KLHDC3: variants seen among roughly 807,000 people sequenced by gnomAD.
KLHDC3 encodes the protein kelch domain-containing protein 3.
KLHDC3 carries 5 observed loss-of-function variants against 44.1 expected under a neutral mutation model. That is an observed-to-expected ratio of 0.11 (90% CI 0.06 to 0.24). The LOEUF is 0.24. KLHDC3 is among the 10% of genes least tolerant of loss of function. The probability of loss-of-function intolerance (pLI) is 1.00; values close to 1 mark genes in which losing one functional copy is unlikely to be tolerated. For synonymous variants in KLHDC3, 170 were observed against 189.0 expected (o/e 0.90, Z 0.82); for missense variants, 247 against 514.3 (o/e 0.48, Z 5.03).
At chr6:43,019,235 T>A (rs764884063) in intron 9 of KLHDC3, 53 bp from the exon 10 acceptor site, 89 of 1,556,536 alleles carry the variant, frequency 5.7e-5, no homozygotes, top group Non-Finnish European at 7.4e-5. Flanking sequence ...TATCCAGGAC[T>A]GGATCCTTTC....
At chr6:43,020,531 TTAAG>T (rs1390754390) in intron 10 of KLHDC3, 132 bp from the exon 11 acceptor site, 9 of 675,596 alleles carry the variant, frequency 1.3e-5, no homozygotes, top group Non-Finnish European at 2.4e-5. Context: ...AGTAGGTCTC[TTAAG>T]TAAGAGGTGG....
In KLHDC3 at chr6:43,017,036, A is replaced by G. The variant is rs990607459; in HGVS notation, c.-59-98A>G. 6.0e-6 allele frequency: 5 copies of G among 832,652 alleles called. No homozygotes were observed. Among genetic ancestry groups the G allele is most frequent in the Non-Finnish European group, 9.5e-6 (5 of 524,402 alleles). 51.6% of individuals were successfully genotyped at this position (832,652 alleles called of 1,614,324 possible). ...GGAGGGGTAGTGTGGGAGGGCCCCC[A>G]GGGTGACACTTGGAGGCAAAGGCTG... On this transcript the variant is annotated intron_variant, in intron 1 of 10. Coordinates refer to ENST00000326974, the MANE Select transcript of KLHDC3 (RefSeq NM_057161.4). The surrounding 1 kb of genome is among the most constrained non-coding windows in gnomAD (Gnocchi z 6.0).
rs1170057121 is a variant in KLHDC3 at position 43,018,592 on chromosome 6, C to T, written c.733+36C>T. ...GTTACTTCCCTGTGGAGTTCCCTTC[C>T]TGCCCTCTTCACACTCCTGACACTT... On this transcript the variant is annotated intron_variant, in intron 6 of 10. Coordinates refer to ENST00000326974, the MANE Select transcript of KLHDC3 (RefSeq NM_057161.4). The surrounding 1 kb of genome is among the most constrained non-coding windows in gnomAD (Gnocchi z 6.0). The T allele has an allele frequency of 6.2e-7, 1 of 1,612,056 alleles. No individual in the cohort carries two copies. The highest frequency in any genetic ancestry group is 8.5e-7 in the Non-Finnish European group (1 of 1,178,268).
In KLHDC3 at chr6:43,018,303, T is replaced by C. The variant is rs570075019; in HGVS notation, c.520-40T>C. On this transcript the variant is annotated intron_variant, in intron 5 of 10. Coordinates refer to ENST00000326974, the MANE Select transcript of KLHDC3 (RefSeq NM_057161.4). The surrounding 1 kb of genome is among the most constrained non-coding windows in gnomAD (Gnocchi z 6.0). ...AGTCAGAGGAGATCCTCTTCCAGTCTTTGTGCTGACCCCTCCACCATCTCT... is the reference window on the plus strand; with the variant it reads ...AGTCAGAGGAGATCCTCTTCCAGTCCTTGTGCTGACCCCTCCACCATCTCT... The C allele has an allele frequency of 1.7e-5, 27 of 1,596,984 alleles. No homozygotes were observed. The highest frequency in any genetic ancestry group is 2.1e-5 in the Non-Finnish European group (24 of 1,165,302).
At position 43,014,288 on chromosome 6, in the gene KLHDC3, A is replaced by G. The variant is rs1310194775; in HGVS notation, c.-120A>G. 5.4e-6 allele frequency: 4 copies of G among 744,742 alleles called. No individual in the cohort carries two copies. In the African/African-American group the frequency reaches 7.1e-5, roughly 13 times the overall value. The allele number at this position is 744,742 out of a possible 1,614,324, so 46.1% of individuals were successfully genotyped here. A position where few individuals can be genotyped will look rare whatever the true frequency, so the allele number is the denominator to read the frequency against. ...GGACTAAGGCGTCGGTTGGCGCGCA[A>G]CGGGTTCTAGGCTGCAGGCAGCTCG... On this transcript the variant is annotated 5_prime_UTR_variant, in exon 1 of 11. Transcript: ENST00000326974.
rs1762502489 is a variant in KLHDC3 at position 43,014,337 on chromosome 6, T to G, written c.-71T>G. ...CGAGGACCCGCGGCCCCGCCCCGGC[T>G]CGGCCTGGCAGGTAGCCTGGGATGG... On this transcript the variant is annotated 5_prime_UTR_variant, in exon 1 of 11. Transcript: ENST00000326974. 3.3e-6 allele frequency: 2 copies of G among 611,008 alleles called. No individual in the cohort carries two copies. The highest frequency in any genetic ancestry group is 5.8e-6 in the Non-Finnish European group (2 of 342,502). The allele number at this position is 611,008 out of a possible 1,614,324, so 37.8% of individuals were successfully genotyped here.
rs1033957694 is a variant in KLHDC3 at position 43,014,296 on chromosome 6, T to C, written c.-112T>C. 2 of 711,790 alleles carry C rather than the reference T, an allele frequency of 2.8e-6. No individual in the cohort carries two copies. Among genetic ancestry groups the C allele is most frequent in the Non-Finnish European group, 4.6e-6 (2 of 438,574 alleles). The allele number at this position is 711,790 out of a possible 1,614,324, so 44.1% of individuals were successfully genotyped here. A position where few individuals can be genotyped will look rare whatever the true frequency, so the allele number is the denominator to read the frequency against. ...GCGTCGGTTGGCGCGCAACGGGTTCTAGGCTGCAGGCAGCTCGAGGACCCG... is the reference window on the plus strand; with the variant it reads ...GCGTCGGTTGGCGCGCAACGGGTTCCAGGCTGCAGGCAGCTCGAGGACCCG... On this transcript the variant is annotated 5_prime_UTR_variant, in exon 1 of 11. Coordinates refer to ENST00000326974, the MANE Select transcript of KLHDC3 (RefSeq NM_057161.4).
Position 43,018,963 on chromosome 6 carries a change from G to A in KLHDC3, c.921G>A (p.Gly307=), listed in dbSNP as rs1209195286. Residue 307 remains glycine, a synonymous_variant, in exon 8 of 11, where the codon GGG becomes GGA. Coordinates refer to ENST00000326974, the MANE Select transcript of KLHDC3 (RefSeq NM_057161.4). The surrounding 1 kb of genome is among the most constrained non-coding windows in gnomAD (Gnocchi z 6.0). ...TTGGTGACAAGATTGTCCTCTTTGGGGGTACCAGGTTAGAAGGAGAGAGGG... is the reference window on the plus strand; with the variant it reads ...TTGGTGACAAGATTGTCCTCTTTGGAGGTACCAGGTTAGAAGGAGAGAGGG... ...CIVGDKIVLF[G]GTSPSPEEGL... is the part of the protein sequence containing the mutation. 1 of 1,609,942 alleles carries A rather than the reference G, an allele frequency of 6.2e-7. No individual in the cohort carries two copies. The highest frequency in any genetic ancestry group is 8.5e-7 in the Non-Finnish European group (1 of 1,177,262).
rs1251967308 is a variant in KLHDC3, at chr6:43,021,060, C to T, written c.*327C>T. ...GGAATGGGGAGAAGGGAGAAGCAAG[C>T]AGTGTCTGAGCCTCAGGAGCTTCCC... On this transcript the variant is annotated 3_prime_UTR_variant, in exon 11 of 11. Transcript: ENST00000326974. 3.9e-6 allele frequency: 2 copies of T among 516,574 alleles called. No homozygotes were observed. The highest frequency in any genetic ancestry group is 7.5e-6 in the Non-Finnish European group (2 of 266,446). 32.0% of individuals were successfully genotyped at this position (516,574 alleles called of 1,614,324 possible). A position where few individuals can be genotyped will look rare whatever the true frequency, so the allele number is the denominator to read the frequency against.
chr6:43,018,652 G>A lies in KLHDC3; in HGVS notation c.753G>A (p.Leu251=). 3 of 1,614,086 alleles carry A rather than the reference G, an allele frequency of 1.9e-6. No homozygotes were observed. The highest frequency in any genetic ancestry group is 2.5e-6 in the Non-Finnish European group (3 of 1,179,986). The change falls in exon 7 of 11, where the codon CTG becomes CTA. Residue 251 remains leucine (L), a synonymous_variant. Transcript: ENST00000326974. The surrounding 1 kb of genome is among the most constrained non-coding windows in gnomAD (Gnocchi z 6.0). ...TTCCAGTTGGCTACAATGGGGAGCTGTACATCTTTGGTGGTTATAATGCAA... is the reference window on the plus strand; with the variant it reads ...TTCCAGTTGGCTACAATGGGGAGCTATACATCTTTGGTGGTTATAATGCAA... ...SHSAFGYNGE[L]YIFGGYNARL...
chr6:43,019,421 G>A, intron 10 of KLHDC3, 55 bp downstream of exon 10: 1 of 1,229,642 alleles, frequency 8.1e-7, no homozygotes, highest in East Asian at 2.3e-5. Flanking sequence ...AGCAGCACAG[G>A]TGTGACCTGA....
chr6:43,018,512 C>T lies in KLHDC3; in HGVS notation c.689C>T (p.Pro230Leu), dbSNP rs1205411620. 1.9e-6 allele frequency: 3 copies of T among 1,614,098 alleles called. No individual in the cohort carries two copies. Among genetic ancestry groups the T allele is most frequent in the Admixed American group, 3.3e-5 (2 of 60,014 alleles). ...AGAACTGAGGCTTGGCTGGACTGTC[C>T]CCCGACTCCAGTGCTGCCTGAGGGG... ...DTRTEAWLDC[P>L]PTPVLPEGRR... The change falls in exon 6 of 11, where the codon CCC becomes CTC. Residue 230 changes from proline to leucine, a missense_variant. Transcript: ENST00000326974. The surrounding 1 kb of genome is among the most constrained non-coding windows in gnomAD (Gnocchi z 6.0).
chr6:43,020,800 C>T lies in KLHDC3; in HGVS notation c.*67C>T. 4.1e-6 allele frequency: 5 copies of T among 1,230,012 alleles called. No homozygotes were observed. In the South Asian group the frequency reaches 6.0e-5, roughly 15 times the overall value. 76.2% of individuals were successfully genotyped at this position (1,230,012 alleles called of 1,614,324 possible). On this transcript the variant is annotated 3_prime_UTR_variant, in exon 11 of 11. Transcript: ENST00000326974. Reference sequence around the variant, plus strand: ...CTTCACTGCCCCTGCCCATCTGTCACCCACCTGCTCCTTTGACCCCTGGAC... The same window carrying T: ...CTTCACTGCCCCTGCCCATCTGTCATCCACCTGCTCCTTTGACCCCTGGAC...
chr6:43,018,381 A>T lies in KLHDC3; in HGVS notation c.558A>T (p.Thr186=). 1 of 1,614,072 alleles carries T rather than the reference A, an allele frequency of 6.2e-7. No individual in the cohort carries two copies. The highest frequency in any genetic ancestry group is 8.5e-7 in the Non-Finnish European group (1 of 1,180,024). ...GCTGGAGGGACTTCCACTCAGCCAC[A>T]ATGCTGGGAAGTCACATGTATGTCT... The part of the protein sequence containing the change: ...PARWRDFHSA[T]MLGSHMYVFG... The change falls in exon 6 of 11, where the codon ACA becomes ACT. Residue 186 remains threonine, a synonymous_variant. Transcript: ENST00000326974. The surrounding 1 kb of genome is among the most constrained non-coding windows in gnomAD (Gnocchi z 6.0).
At chr6:43,016,863 G>C (rs1021938746) in intron 1 of KLHDC3, 4 of 346,542 alleles carry the variant, frequency 1.2e-5, no homozygotes, top group Non-Finnish European at 2.2e-5. Flanking sequence ...AGTAGGTTGT[G>C]ACCATGATAT....
Position 43,017,536 on chromosome 6 carries a change from A to C in KLHDC3, c.172A>C (p.Lys58Gln). Reference sequence around the variant, plus strand: ...GCCCACAGTGTCCTTGCGTTGGACAAAGCTGCCCCCGGTGAAGTCTGCCAT... The same window carrying C: ...GCCCACAGTGTCCTTGCGTTGGACACAGCTGCCCCCGGTGAAGTCTGCCAT... Reference protein sequence around the residue: ...IFNAVSLRWTKLPPVKSAIRG... With the variant: ...IFNAVSLRWTQLPPVKSAIRG... The change falls in exon 3 of 11, where the codon AAG becomes CAG. Residue 58 changes from lysine (K) to glutamine (Q), a missense_variant. Lys to Gln is a moderately conservative substitution (Grantham distance 53). Transcript: ENST00000326974. This position sits in a 1 kb window ranked among gnomAD's most constrained non-coding sequence, Gnocchi z 6.0. 1 of 1,603,570 alleles carries C rather than the reference A, an allele frequency of 6.2e-7. No individual in the cohort carries two copies. Among genetic ancestry groups the C allele is most frequent in the Admixed American group, 1.7e-5 (1 of 59,362 alleles).
In KLHDC3 at chr6:43,017,102, C is replaced by G; in HGVS notation, c.-59-32C>G. On this transcript the variant is annotated intron_variant, in intron 1 of 10. Coordinates refer to ENST00000326974, the MANE Select transcript of KLHDC3 (RefSeq NM_057161.4). The surrounding 1 kb of genome is among the most constrained non-coding windows in gnomAD (Gnocchi z 6.0). ...ACAGTGAGCTGGGCAGAAGCCTCGC[C>G]TGAGGATCCCGTGGCCCCAATTTGT... 1 of 1,460,386 alleles carries G rather than the reference C, an allele frequency of 6.8e-7. No homozygotes were observed. Among genetic ancestry groups the G allele is most frequent in the South Asian group, 1.2e-5 (1 of 80,008 alleles). The allele number at this position is 1,460,386 out of a possible 1,614,324, so 90.5% of individuals were successfully genotyped here.
chr6:43,015,496 C>T (rs1488555473), intron 1 of KLHDC3, among the ~76,000 whole-genome samples: 3 of 152,114 alleles, frequency 2.0e-5, no homozygotes, highest in Non-Finnish European at 4.4e-5. Context: ...AAGGATTTGC[C>T]TGAAAAAACC....
chr6:43,019,436 C>T (rs1762644577), intron 10 of KLHDC3, 70 bp downstream of exon 10: 1 of 1,093,224 alleles, frequency 9.1e-7, no homozygotes, highest in African/African-American at 1.5e-5. Context: ...ACCTGATTAG[C>T]TTGGTTTCAG....
Sources: allele counts gnomAD v4.1 joint callset (sites outside exome capture counted in the v4.1 genomes callset), GRCh38; gene constraint gnomAD v4.1.1; non-coding constraint Gnocchi (gnomAD v3.1); transcripts MANE v1.5; gene names NCBI Gene and HGNC (gene_info 2026-07-23, HGNC 2026-07-21).